NME8: variants seen among roughly 807,000 people sequenced by gnomAD.
The protein encoded by NME8 is protein NME8.
A neutral mutation model predicts 82.3 loss-of-function variants in NME8; 72 were observed. That is an observed-to-expected ratio of 0.87 (90% CI 0.72 to 1.06). The LOEUF is 1.06. Among genes scored for constraint, NME8 ranks in the 50% least tolerant of loss-of-function variants. NME8 has a pLI of 0.00. For synonymous variants in NME8, 267 were observed against 228.5 expected (o/e 1.17, Z -1.52); for missense variants, 712 against 685.4 (o/e 1.04, Z -0.43).
chr7:37,857,562 G>A (rs944849357), intron 6 of NME8, among the ~76,000 whole-genome samples: 3 of 152,168 alleles, frequency 2.0e-5, no homozygotes, highest in Non-Finnish European at 4.4e-5. Context: ...ATTCATCAGG[G>A]AAAGGAAAAG....
intron 17 of NME8, among the ~76,000 whole-genome samples, chr7:37,899,770 T>C (rs978556723): frequency 6.6e-6 from 1 of 152,086 alleles, no homozygotes; most frequent in African/African-American, 2.4e-5. Context: ...AATGTAACAA[T>C]ACCAACAAAC....
chr7:37,900,191 TTAGTG>T (rs1785292977), intron 17 of NME8, 48 bp from the exon 18 acceptor site: 1 of 152,220 alleles, frequency 6.6e-6, no homozygotes, highest in African/African-American at 2.4e-5. Flanking sequence ...TGCTGAAAGA[TTAGTG>T]TATAGCACTG....
chr7:37,884,951 C>T lies in NME8; in HGVS notation c.1140-194C>T, dbSNP rs55654570. The stretch of plus-strand genomic sequence containing the variant: ...CATGGCACTCCCCTTCCCTTCCTTT[C>T]CCTGCTTCTATTCTTTTATAGATAT... On this transcript the variant is annotated intron_variant, in intron 13 of 17. Coordinates refer to ENST00000199447, the MANE Select transcript of NME8 (RefSeq NM_016616.5). Among the ~76,000 whole-genome samples, 1,383 of 152,300 alleles carry T rather than the reference C, an allele frequency of 9.1e-3. 16 individuals are homozygous for T. The highest frequency in any genetic ancestry group is 0.014 in the Non-Finnish European group (979 of 68,016).
At position 37,878,470 on chromosome 7, in the gene NME8, A is replaced by G. The variant is rs77849922; in HGVS notation, c.994+1463A>G. On this transcript the variant is annotated intron_variant, in intron 12 of 17. Transcript: ENST00000199447. ...GAGTAATGCAGGTTCATAAAGTGAGATGAGAAGCAGTCACTCCTATTTTAT... is the reference window on the plus strand; with the variant it reads ...GAGTAATGCAGGTTCATAAAGTGAGGTGAGAAGCAGTCACTCCTATTTTAT... Among the ~76,000 whole-genome samples the G allele has an allele frequency of 2.6e-3, 390 of 152,294 alleles. 3 individuals carry two copies. The highest frequency in any genetic ancestry group is 4.7e-3 in the Non-Finnish European group (321 of 68,016).
At chr7:37,897,228 T>G (rs555449391) in intron 17 of NME8, 121 bp downstream of exon 17, 1 of 685,618 alleles carries the variant, frequency 1.5e-6, no homozygotes, top group East Asian at 2.7e-5. Context: ...CTTTATTTCC[T>G]GTGAGACACA....
chr7:37,870,797 G>A (rs1784756249), intron 11 of NME8, among the ~76,000 whole-genome samples: 1 of 151,934 alleles, frequency 6.6e-6, no homozygotes, highest in Admixed American at 6.6e-5. Context: ...TATACTTTTT[G>A]TCTGTTGATG....
intron 11 of NME8, among the ~76,000 whole-genome samples, chr7:37,870,357 G>T (rs1326064455): frequency 2.6e-5 from 4 of 151,932 alleles, no homozygotes; most frequent in Non-Finnish European, 4.4e-5. Context: ...TTGGAGGGCC[G>T]AGACAGGCAG....
intron 15 of NME8, among the ~76,000 whole-genome samples, chr7:37,893,836 T>G (rs538461690): frequency 6.6e-6 from 1 of 152,138 alleles, no homozygotes; most frequent in African/African-American, 2.4e-5. Context: ...CCTGGCCACC[T>G]CCCTTCCAGC....
chr7:37,861,279 T>C lies in NME8; in HGVS notation c.271-749T>C, dbSNP rs566630078. 3.3e-5 allele frequency among the ~76,000 whole-genome samples: 5 copies of C among 152,332 alleles called. No homozygotes were observed. The South Asian group carries it at 8.3e-4, about 25-fold the overall frequency. On this transcript the variant is annotated intron_variant, in intron 6 of 17. Transcript: ENST00000199447. Reference sequence around the variant, plus strand: ...CCAGGCTCCCCCTCACTTTGTCACCTGGCCTTGTCACTTGCCATCTTCCCT... The same window carrying C: ...CCAGGCTCCCCCTCACTTTGTCACCCGGCCTTGTCACTTGCCATCTTCCCT...
intron 15 of NME8, among the ~76,000 whole-genome samples, chr7:37,889,736 A>T (rs1418380464): frequency 6.6e-6 from 1 of 151,962 alleles, no homozygotes; most frequent in East Asian, 1.9e-4. Context: ...CCATATGGCA[A>T]ACTTTTGTGA....
chr7:37,889,189 A>T (rs1454987887), intron 15 of NME8, among the ~76,000 whole-genome samples: 2 of 151,950 alleles, frequency 1.3e-5, no homozygotes, highest in East Asian at 3.9e-4. Context: ...CTAGGAAGTT[A>T]TCTATTCCAG....
At chr7:37,858,021 A>C (rs541209378) in intron 6 of NME8, among the ~76,000 whole-genome samples, 2 of 152,230 alleles carry the variant, frequency 1.3e-5, no homozygotes, top group African/African-American at 4.8e-5. Context: ...ACATAGGGAG[A>C]CCACATCTCC....
chr7:37,893,695 T>C (rs147653787), intron 15 of NME8, among the ~76,000 whole-genome samples: 2,090 of 152,296 alleles, frequency 0.014, 154 homozygotes, highest in Admixed American at 0.11. Flanking sequence ...GGGGACCTTA[T>C]ATATTACTCT....
intron 6 of NME8, among the ~76,000 whole-genome samples, chr7:37,860,471 C>T (rs1366092070): frequency 6.6e-6 from 1 of 152,012 alleles, no homozygotes; most frequent in Non-Finnish European, 1.5e-5. Flanking sequence ...GTGACCATGC[C>T]CTCCTTTTTA....
In NME8 at chr7:37,884,419, T is replaced by C; in HGVS notation, c.1111T>C (p.Phe371Leu). The C allele has an allele frequency of 1.2e-6, 2 of 1,611,630 alleles. No individual in the cohort carries two copies. Among genetic ancestry groups the C allele is most frequent in the Non-Finnish European group, 1.7e-6 (2 of 1,177,898 alleles). ...LCKEYENEDYFNKLIENMTSG... is the reference protein window; with the variant it reads ...LCKEYENEDYLNKLIENMTSG... ...CAAGGAATATGAAAATGAAGACTAT[T>C]TTAATAAACTTATAGAAAACATGAC... Residue 371 changes from phenylalanine to leucine, a missense_variant, in exon 13 of 18, where the codon TTT (phenylalanine) becomes CTT (leucine). Transcript: ENST00000199447.
At chr7:37,883,168 G>A (rs150353763) in intron 12 of NME8, among the ~76,000 whole-genome samples, 3 of 152,138 alleles carry the variant, frequency 2.0e-5, no homozygotes, top group African/African-American at 7.2e-5. Context: ...TATTTTTCCT[G>A]AGCTTTTATC....
At position 37,875,899 on chromosome 7, in the gene NME8, T is replaced by A. The variant is rs1276190558; in HGVS notation, c.819-933T>A. 2.0e-5 allele frequency among the ~76,000 whole-genome samples: 3 copies of A among 152,066 alleles called. No individual in the cohort carries two copies. The East Asian group carries it at 5.8e-4, about 29-fold the overall frequency. ...AAGGATGAGAGGAATTAAAAATACA[T>A]ATTCCATAAATAATATATAATAAAT... On this transcript the variant is annotated intron_variant, in intron 11 of 17. Coordinates refer to ENST00000199447, the MANE Select transcript of NME8 (RefSeq NM_016616.5).
At chr7:37,865,718 C>T (rs1004095358) in intron 10 of NME8, 101 bp downstream of exon 10, 3 of 769,702 alleles carry the variant, frequency 3.9e-6, no homozygotes, top group Non-Finnish European at 6.8e-6. Flanking sequence ...TAAGTCTGAA[C>T]AACTAAAATA....
intron 12 of NME8, among the ~76,000 whole-genome samples, chr7:37,884,071 G>A (rs1324862499): frequency 6.6e-6 from 1 of 152,144 alleles, no homozygotes; most frequent in East Asian, 1.9e-4. Context: ...ATATGTGTAT[G>A]TGTGTGCATG....
Sources: allele counts gnomAD v4.1 joint callset (sites outside exome capture counted in the v4.1 genomes callset), GRCh38; gene constraint gnomAD v4.1.1; transcripts MANE v1.5; gene names NCBI Gene and HGNC (gene_info 2026-07-23, HGNC 2026-07-21).